The following SDK1 variants were observed in gnomAD, a reference collection of about 807,000 sequenced individuals.
The protein encoded by SDK1 is protein sidekick-1.
SDK1 carries 157 observed loss-of-function variants against 245.5 expected under a neutral mutation model. The observed-to-expected ratio is 0.64, with a 90% CI of 0.56 to 0.73. The LOEUF is 0.73. Ranked by LOEUF, SDK1 falls within the 30% of genes least tolerant of loss-of-function variation. The pLI is 0.00. For synonymous variants in SDK1, 1,647 were observed against 1,278.5 expected, an observed-to-expected ratio of 1.29 and a Z score of -6.15; for missense variants, 3,583 against 3,002.3, an observed-to-expected ratio of 1.19 and a Z score of -4.52.
chr7:3,383,768 C>G (rs1347198028), intron 1 of SDK1, among the ~76,000 whole-genome samples: 4 of 152,170 alleles, frequency 2.6e-5, no homozygotes, highest in African/African-American at 7.2e-5. Context: ...ATGCATAGAG[C>G]CTATTAAATG....
chr7:3,405,539 A>G (rs1326575917), intron 1 of SDK1, among the ~76,000 whole-genome samples: 1 of 152,152 alleles, frequency 6.6e-6, no homozygotes, highest in African/African-American at 2.4e-5. Context: ...CTTTAGTTTC[A>G]TGCTAGACTG....
At chr7:3,318,940 T>A (rs1779728268) in intron 1 of SDK1, among the ~76,000 whole-genome samples, 1 of 152,058 alleles carries the variant, frequency 6.6e-6, no homozygotes, top group African/African-American at 2.4e-5. Flanking sequence ...AGATGGTACC[T>A]GGCAGACGGG....
intron 1 of SDK1, among the ~76,000 whole-genome samples, chr7:3,447,428 T>A (rs34888067): frequency 0.11 from 16,782 of 151,970 alleles, 1,218 homozygotes; most frequent in African/African-American, 0.2. Context: ...ACACACACAC[T>A]CACTTACTCT....
chr7:3,325,767 A>G (rs1181829471), intron 1 of SDK1, among the ~76,000 whole-genome samples: 2 of 152,164 alleles, frequency 1.3e-5, no homozygotes, highest in Non-Finnish European at 2.9e-5. Context: ...AATTACATAG[A>G]TAATCCTCAG....
In SDK1 at chr7:3,679,915, C is replaced by T. The variant is rs143037509; in HGVS notation, c.713+37810C>T. Among the ~76,000 whole-genome samples the T allele has an allele frequency of 4.3e-3, 655 of 152,290 alleles. 2 individuals carry two copies. The highest frequency in any genetic ancestry group is 7.2e-3 in the Non-Finnish European group (489 of 68,034). On this transcript the variant is annotated intron_variant, in intron 4 of 44. Transcript: ENST00000404826. ...GGTCACACTTCTTAGCATTTATCCA[C>T]AGAAATGAAGACCTGTATTGACACA...
At chr7:3,829,133 T>C (rs1011990782) in intron 5 of SDK1, among the ~76,000 whole-genome samples, 12 of 152,240 alleles carry the variant, frequency 7.9e-5, no homozygotes, top group African/African-American at 2.7e-4. Context: ...TATTAAAATA[T>C]ACTGAAATAG....
chr7:3,948,805 C>T (rs888694622), intron 5 of SDK1, among the ~76,000 whole-genome samples: 5 of 152,332 alleles, frequency 3.3e-5, no homozygotes, highest in African/African-American at 1.2e-4. Flanking sequence ...TCTCCTCAGG[C>T]GTCCTCCCCA....
chr7:4,091,347 T>G (rs1584099015), intron 22 of SDK1, among the ~76,000 whole-genome samples: 1 of 143,626 alleles, frequency 7.0e-6, no homozygotes, highest in African/African-American at 2.6e-5. Context: ...TTTTTTTTTT[T>G]TTTTTTTTTG....
chr7:3,982,727 C>T (rs553398413), intron 13 of SDK1, among the ~76,000 whole-genome samples: 2 of 152,102 alleles, frequency 1.3e-5, no homozygotes, highest in East Asian at 1.9e-4. Context: ...GTAGTCCCAG[C>T]TACTCGGGGG....
chr7:3,884,076 T>TTTG (rs1781277533), intron 5 of SDK1, among the ~76,000 whole-genome samples: 2 of 137,800 alleles, frequency 1.5e-5, no homozygotes, highest in African/African-American at 5.8e-5. Context: ...TGTTTGTTTG[T>TTTG]TTTTTTGTTT....
intron 20 of SDK1, among the ~76,000 whole-genome samples, chr7:4,074,856 TTCTCTCTCTC>T (rs1159856321): frequency 1.2e-4 from 9 of 72,346 alleles, no homozygotes; most frequent in Non-Finnish European, 1.5e-4. Context: ...GAGCAAGACT[TTCTCTCTCTC>T]TCTCTCTCTC....
At chr7:3,851,455 C>T (rs1402113258) in intron 5 of SDK1, among the ~76,000 whole-genome samples, 5 of 152,170 alleles carry the variant, frequency 3.3e-5, no homozygotes, top group East Asian at 1.9e-4. Flanking sequence ...GCGTAATATG[C>T]TTCTTTGCAT....
rs975411750 is a variant in SDK1 at position 3,859,960 on chromosome 7, C to T, written c.847+38377C>T. Among the ~76,000 whole-genome samples, 28 of 151,724 alleles carry T rather than the reference C, an allele frequency of 1.8e-4. 1 individual carries two copies. Among genetic ancestry groups the T allele is most frequent in the Non-Finnish European group, 5.9e-5 (4 of 67,960 alleles). ...TTTGAGACGGAGTCTTACTCTGTCG[C>T]CCAGGCTAGAGTGCAGTGGCATGAT... is the stretch of plus-strand genomic sequence containing the variant. On this transcript the variant is annotated intron_variant, in intron 5 of 44. Coordinates refer to ENST00000404826, the MANE Select transcript of SDK1 (RefSeq NM_152744.4).
At chr7:4,133,417 C>T (rs986687220) in intron 28 of SDK1, among the ~76,000 whole-genome samples, 2 of 152,196 alleles carry the variant, frequency 1.3e-5, no homozygotes, top group Non-Finnish European at 1.5e-5. Flanking sequence ...CCTCAAGTTG[C>T]CCACAGTCCC....
intron 5 of SDK1, among the ~76,000 whole-genome samples, chr7:3,899,859 G>C (rs1781725034): frequency 6.6e-6 from 1 of 152,226 alleles, no homozygotes; most frequent in Admixed American, 6.5e-5. Context: ...GAAGTGCTTT[G>C]TCCCTGCTTC....
At chr7:3,863,613 C>G (rs1441465916) in intron 5 of SDK1, among the ~76,000 whole-genome samples, 5 of 152,200 alleles carry the variant, frequency 3.3e-5, no homozygotes, top group African/African-American at 1.2e-4. Flanking sequence ...CTCACTCTCT[C>G]TATAACTTTT....
At chr7:4,241,325 C>T (rs1215257841) in intron 42 of SDK1, among the ~76,000 whole-genome samples, 2 of 151,898 alleles carry the variant, frequency 1.3e-5, no homozygotes, top group East Asian at 1.9e-4. Context: ...TTTAATTTCC[C>T]GGAATTTTTA....
At chr7:3,876,139 C>T (rs996398121) in intron 5 of SDK1, among the ~76,000 whole-genome samples, 2 of 152,160 alleles carry the variant, frequency 1.3e-5, no homozygotes, top group Non-Finnish European at 2.9e-5. Context: ...TCCAAATTGC[C>T]GGGGACACAT....
intron 1 of SDK1, among the ~76,000 whole-genome samples, chr7:3,465,555 C>T (rs965802114): frequency 1.1e-4 from 16 of 152,120 alleles, no homozygotes; most frequent in African/African-American, 3.9e-4. Flanking sequence ...GCACTGCTCT[C>T]ATTGCTAGGT....
Sources: gnomAD v4.1 joint callset for allele counts (sites outside exome capture counted in the v4.1 genomes callset) on GRCh38, gnomAD v4.1.1 for gene constraint, MANE v1.5 for transcripts, NCBI Gene and HGNC (gene_info 2026-07-23, HGNC 2026-07-21) for gene names.